Variants in NOVA1 observed in about 807,000 individuals in gnomAD.
NOVA1 encodes RNA-binding protein Nova-1.
A neutral mutation model predicts 38.0 loss-of-function variants in NOVA1; 7 were observed. The observed-to-expected ratio is 0.18, with a 90% CI of 0.10 to 0.35. The LOEUF is 0.35. NOVA1 is among the 10% of genes least tolerant of loss of function. NOVA1 has a pLI of 1.00. For missense variants in NOVA1, 460 were observed against 616.0 expected (o/e 0.75, Z 2.68); for synonymous variants, 270 against 232.5 (o/e 1.16, Z -1.47).
intron 2 of NOVA1, among the ~76,000 whole-genome samples, chr14:26,482,453 C>T (rs1885547285): frequency 6.6e-6 from 1 of 151,976 alleles, no homozygotes; most frequent in Non-Finnish European, 1.5e-5. Flanking sequence ...AAAAGGGAGA[C>T]TGTCAGGTGT....
intron 2 of NOVA1, among the ~76,000 whole-genome samples, chr14:26,487,926 G>T (rs916812429): frequency 6.6e-6 from 1 of 152,086 alleles, no homozygotes; most frequent in Non-Finnish European, 1.5e-5. Flanking sequence ...TGATAAAATT[G>T]CCATTAAAAG....
At chr14:26,507,422 G>A (rs1453225774) in intron 2 of NOVA1, among the ~76,000 whole-genome samples, 2 of 152,102 alleles carry the variant, frequency 1.3e-5, no homozygotes, top group Non-Finnish European at 2.9e-5. Context: ...TATTAATGTG[G>A]CCAAACAAAT....
At chr14:26,494,372 C>T (rs1488168895) in intron 2 of NOVA1, among the ~76,000 whole-genome samples, 5 of 152,148 alleles carry the variant, frequency 3.3e-5, no homozygotes, top group Non-Finnish European at 5.9e-5. Flanking sequence ...TTTCCTTGGT[C>T]CACTTTGCCA....
At chr14:26,493,424 C>T (rs1403059114) in intron 2 of NOVA1, among the ~76,000 whole-genome samples, 2 of 152,174 alleles carry the variant, frequency 1.3e-5, no homozygotes, top group Non-Finnish European at 2.9e-5. Context: ...AGTCTCTCTC[C>T]TATCCTTGTC....
At chr14:26,500,800 A>T (rs1276396018) in intron 2 of NOVA1, among the ~76,000 whole-genome samples, 2 of 151,978 alleles carry the variant, frequency 1.3e-5, no homozygotes, top group Non-Finnish European at 2.9e-5. Context: ...AAGATTTTTT[A>T]AAGTATTAAA....
chr14:26,512,233 T>C (rs1888153194), intron 2 of NOVA1, among the ~76,000 whole-genome samples: 1 of 152,218 alleles, frequency 6.6e-6, no homozygotes, highest in Non-Finnish European at 1.5e-5. Context: ...TTAAACTGCT[T>C]TTAAAATCAA....
At chr14:26,589,150 A>C (rs1267592369) in intron 2 of NOVA1, among the ~76,000 whole-genome samples, 2 of 151,678 alleles carry the variant, frequency 1.3e-5, no homozygotes, top group African/African-American at 4.8e-5. Flanking sequence ...AATGGTTTTT[A>C]CATTCCAAAT....
chr14:26,577,646 C>G (rs945344924), intron 2 of NOVA1, among the ~76,000 whole-genome samples: 45 of 152,004 alleles, frequency 3.0e-4, no homozygotes, highest in Non-Finnish European at 5.3e-4. Flanking sequence ...CAGATTGGAT[C>G]TGAAGTTCAA....
At chr14:26,499,410 A>G (rs1268834974) in intron 2 of NOVA1, among the ~76,000 whole-genome samples, 2 of 152,180 alleles carry the variant, frequency 1.3e-5, no homozygotes. Context: ...TGTATGATGC[A>G]GCAAATTGGT....
At chr14:26,513,794 T>G (rs1228900263) in intron 2 of NOVA1, among the ~76,000 whole-genome samples, 1 of 151,768 alleles carries the variant, frequency 6.6e-6, no homozygotes, top group African/African-American at 2.4e-5. Flanking sequence ...TTATTAAAAG[T>G]AACTTTAATT....
rs138072262 is a variant in NOVA1, at chr14:26,498,902, T to C, written c.281-18759A>G. Among the ~76,000 whole-genome samples, 595 of 152,298 alleles carry C rather than the reference T, an allele frequency of 3.9e-3. 4 individuals carry two copies. The highest frequency in any genetic ancestry group is 0.014 in the African/African-American group (569 of 41,566). ...GCCATTTGCCACAACTTGGGTGGAA[T>C]TGGAGAATATTATGCTAAGTGAAAT... On this transcript the variant is annotated intron_variant, in intron 2 of 4. Transcript: ENST00000539517.
At chr14:26,560,186 T>A (rs941280272) in intron 2 of NOVA1, among the ~76,000 whole-genome samples, 2 of 152,106 alleles carry the variant, frequency 1.3e-5, no homozygotes, top group African/African-American at 2.4e-5. Flanking sequence ...TTTAAAAAAA[T>A]GTCTATGATT....
At chr14:26,539,114 A>G (rs1214266731) in intron 2 of NOVA1, among the ~76,000 whole-genome samples, 1 of 151,986 alleles carries the variant, frequency 6.6e-6, no homozygotes, top group African/African-American at 2.4e-5. Context: ...AAAATTCTCT[A>G]TTTGGGTTAC....
chr14:26,484,936 T>A (rs1157028031), intron 2 of NOVA1, among the ~76,000 whole-genome samples: 1 of 151,708 alleles, frequency 6.6e-6, no homozygotes, highest in Non-Finnish European at 1.5e-5. Flanking sequence ...GGTACAGCAA[T>A]GACCAAACAG....
intron 2 of NOVA1, chr14:26,568,521 T>C (rs550590361): frequency 1.6e-4 from 25 of 152,328 alleles, no homozygotes; most frequent in African/African-American, 5.5e-4. Flanking sequence ...TGCTTTTTTA[T>C]GTCTGACAGT....
At chr14:26,519,646 T>A (rs886187075) in intron 2 of NOVA1, 1 of 152,148 alleles carries the variant, frequency 6.6e-6, no homozygotes, top group African/African-American at 2.4e-5. Flanking sequence ...TAAAATAGAA[T>A]GTATCTTCCT....
Position 26,447,920 on chromosome 14 carries a change from A to G in NOVA1, c.*39T>C, listed in dbSNP as rs1238836216. On this transcript the variant is annotated 3_prime_UTR_variant, in exon 5 of 5. Coordinates refer to ENST00000539517, the MANE Select transcript of NOVA1 (RefSeq NM_002515.3). ...GTACATCCTTCTTGAAAATGGGGTA[A>G]AGGAGGGGTTAAAACAATCTGATGT... 2.7e-5 allele frequency: 41 copies of G among 1,540,048 alleles called. No homozygotes were observed. Among genetic ancestry groups the G allele is most frequent in the Non-Finnish European group, 3.4e-5 (38 of 1,115,526 alleles).
intron 2 of NOVA1, among the ~76,000 whole-genome samples, chr14:26,484,368 G>A (rs1332026329): frequency 3.4e-5 from 5 of 147,310 alleles, no homozygotes; most frequent in Non-Finnish European, 5.9e-5. Context: ...CCCGTGAGGC[G>A]GAGCTTGCAG....
Position 26,477,808 on chromosome 14 carries a change from C to A in NOVA1, c.447+2169G>T, listed in dbSNP as rs185319879. The stretch of plus-strand genomic sequence containing the variant: ...AAGTCAGAGAATCCCAAACTTAGAG[C>A]AAAAGGTCTGACTGATTTATAATAT... On this transcript the variant is annotated intron_variant, in intron 3 of 4. Coordinates refer to ENST00000539517, the MANE Select transcript of NOVA1 (RefSeq NM_002515.3). 3.9e-5 allele frequency among the ~76,000 whole-genome samples: 6 copies of A among 151,950 alleles called. No individual in the cohort carries two copies. The East Asian group carries it at 1.2e-3, about 29-fold the overall frequency.
Sources: allele counts gnomAD v4.1 joint callset (sites outside exome capture counted in the v4.1 genomes callset), GRCh38; gene constraint gnomAD v4.1.1; transcripts MANE v1.5; gene names NCBI Gene and HGNC (gene_info 2026-07-23, HGNC 2026-07-21).